The following DENND1A variants were observed in gnomAD, a reference collection of about 807,000 sequenced individuals.
DENND1A encodes DENN domain-containing protein 1A.
A neutral mutation model predicts 113.7 loss-of-function variants in DENND1A; 51 were observed. The ratio of observed to expected loss-of-function variants is 0.45; its 90% CI spans 0.36 to 0.57. DENND1A has a LOEUF of 0.57. Ranked by LOEUF, DENND1A falls within the 20% of genes least tolerant of loss-of-function variation. The probability of loss-of-function intolerance (pLI) is 0.00; values close to 1 mark genes in which losing one functional copy is unlikely to be tolerated. For missense variants in DENND1A, 1,258 were observed against 1,395.9 expected, an observed-to-expected ratio of 0.90 and a Z score of 1.57; for synonymous variants, 565 against 570.8, an observed-to-expected ratio of 0.99 and a Z score of 0.14.
intron 2 of DENND1A, among the ~76,000 whole-genome samples, chr9:123,876,995 T>C (rs962906189): frequency 1.3e-5 from 2 of 152,138 alleles, no homozygotes; most frequent in African/African-American, 4.8e-5. Flanking sequence ...AACTAAATGA[T>C]GTGTACACGT....
At chr9:123,693,528 T>TC (rs2065305932) in intron 5 of DENND1A, among the ~76,000 whole-genome samples, 1 of 152,114 alleles carries the variant, frequency 6.6e-6, no homozygotes, top group Non-Finnish European at 1.5e-5. Context: ...GCTTTTTTTT[T>TC]CAGAACATCA....
At chr9:123,564,116 G>A (rs2057917022) in intron 12 of DENND1A, among the ~76,000 whole-genome samples, 1 of 152,180 alleles carries the variant, frequency 6.6e-6, no homozygotes, top group African/African-American at 2.4e-5. Context: ...TACTTCAGAA[G>A]GGGTTCTCAT....
At chr9:123,407,397 C>T (rs972509917) in intron 20 of DENND1A, among the ~76,000 whole-genome samples, 1 of 152,126 alleles carries the variant, frequency 6.6e-6, no homozygotes, top group African/African-American at 2.4e-5. Context: ...CAAATACACA[C>T]TCACAGAGGC....
chr9:123,383,835 C>G lies in DENND1A; in HGVS notation c.1839G>C (p.Arg613=). Residue 613 remains arginine (R), a synonymous_variant, in exon 23 of 24, where the codon CGG becomes CGC. Coordinates refer to ENST00000394215, the MANE Select transcript of DENND1A (RefSeq NM_001352964.2). ...DEAESPEQQV[R]KSTGPVPAPP... ...GAGCTGGGACAGGGCCTGTGGACTT[C>G]CGCACTTGCTGCTCTGGACTCTCTG... 1 of 1,613,900 alleles carries G rather than the reference C, an allele frequency of 6.2e-7. No individual in the cohort carries two copies. Among genetic ancestry groups the G allele is most frequent in the African/African-American group, 1.3e-5 (1 of 75,066 alleles).
At chr9:123,924,636 G>A (rs1163383934) in intron 1 of DENND1A, among the ~76,000 whole-genome samples, 1 of 149,438 alleles carries the variant, frequency 6.7e-6, no homozygotes, top group African/African-American at 2.5e-5. Context: ...GGGGGACAGA[G>A]TGAAACTGTC....
chr9:123,843,161 A>G, intron 2 of DENND1A: 1 of 552,992 alleles, frequency 1.8e-6, no homozygotes, highest in South Asian at 1.4e-5. Flanking sequence ...CACACTTGAC[A>G]TGGTTGTGCA....
chr9:123,552,018 C>CGAGAGAGAGAGAGAGAGACAGAGAGA lies in DENND1A; in HGVS notation c.993+5551_993+5552insTCTCTCTGTCTCTCTCTCTCTCTCTC, dbSNP rs2057089911. Among the ~76,000 whole-genome samples, 88 of 118,598 alleles carry CGAGAGAGAGAGAGAGAGACAGAGAGA rather than the reference C, an allele frequency of 7.4e-4. 2 individuals carry two copies. The highest frequency in any genetic ancestry group is 4.4e-3 in the Middle Eastern group (1 of 228). 77.8% of individuals were successfully genotyped at this position (118,598 alleles called of 152,430 possible). On this transcript the variant is annotated intron_variant, in intron 13 of 23. Coordinates refer to ENST00000394215, the MANE Select transcript of DENND1A (RefSeq NM_001352964.2). ...GAGAGAGAGCGAGAGAGAGCGAGAG[C>CGAGAGAGAGAGAGAGAGACAGAGAGA]GAGAGAGAGAGAGAGAGAGACAGAG... is the stretch of plus-strand genomic sequence containing the variant.
intron 19 of DENND1A, among the ~76,000 whole-genome samples, chr9:123,431,602 C>A (rs944987565): frequency 1.3e-5 from 2 of 152,196 alleles, no homozygotes; most frequent in Admixed American, 6.5e-5. Context: ...TTGACTAAGG[C>A]CCATTCTCTG....
At chr9:123,419,491 CTG>C (rs1208909452) in intron 19 of DENND1A, among the ~76,000 whole-genome samples, 2 of 152,266 alleles carry the variant, frequency 1.3e-5, no homozygotes, top group African/African-American at 4.8e-5. Context: ...CAATTAAACT[CTG>C]TCGCTGTTTA....
chr9:123,834,179 A>G (rs1840717743), intron 2 of DENND1A, among the ~76,000 whole-genome samples: 1 of 152,258 alleles, frequency 6.6e-6, no homozygotes, highest in African/African-American at 2.4e-5. Context: ...TGCCAAAAGA[A>G]AATAGATAAA....
chr9:123,512,565 T>C (rs2053547684), intron 13 of DENND1A, among the ~76,000 whole-genome samples: 1 of 152,354 alleles, frequency 6.6e-6, no homozygotes, highest in Middle Eastern at 3.4e-3. Flanking sequence ...TCCTTCCTGC[T>C]GCACGGTCCC....
intron 12 of DENND1A, among the ~76,000 whole-genome samples, chr9:123,558,438 G>A (rs909491161): frequency 6.6e-6 from 1 of 152,114 alleles, no homozygotes; most frequent in Admixed American, 6.5e-5. Flanking sequence ...CAAAAAACTC[G>A]GAAGTGATGG....
chr9:123,468,981 G>T (rs1564545398), intron 13 of DENND1A, among the ~76,000 whole-genome samples: 1 of 152,174 alleles, frequency 6.6e-6, no homozygotes, highest in Non-Finnish European at 1.5e-5. Flanking sequence ...AGGTCCCAGG[G>T]CTCATGGTCT....
chr9:123,397,347 G>C (rs935548853), intron 21 of DENND1A, among the ~76,000 whole-genome samples: 1 of 152,194 alleles, frequency 6.6e-6, no homozygotes, highest in African/African-American at 2.4e-5. Flanking sequence ...TAGAGACGGA[G>C]TTTTGCCATG....
chr9:123,902,384 A>G (rs7021780), intron 1 of DENND1A, among the ~76,000 whole-genome samples: 12,706 of 152,252 alleles, frequency 0.083, 1,117 homozygotes, highest in African/African-American at 0.22. Context: ...CTGTAAGGCA[A>G]TAAAGTTCTA....
chr9:123,743,909 C>T (rs2069237488), intron 5 of DENND1A, among the ~76,000 whole-genome samples: 1 of 151,894 alleles, frequency 6.6e-6, no homozygotes, highest in African/African-American at 2.4e-5. Context: ...AAAATTTGAA[C>T]ACAGTTCTGA....
chr9:123,493,587 G>A (rs988354967), intron 13 of DENND1A, among the ~76,000 whole-genome samples: 7 of 152,174 alleles, frequency 4.6e-5, no homozygotes, highest in Non-Finnish European at 7.3e-5. Context: ...CAGAGTGTCC[G>A]TTACAGGGAG....
At chr9:123,883,508 G>A (rs1848598135) in intron 1 of DENND1A, among the ~76,000 whole-genome samples, 1 of 152,144 alleles carries the variant, frequency 6.6e-6, no homozygotes. Flanking sequence ...GTCTCAGGTA[G>A]GACCCAAGAA....
chr9:123,430,864 C>T (rs182143791), intron 19 of DENND1A, among the ~76,000 whole-genome samples: 3 of 152,080 alleles, frequency 2.0e-5, no homozygotes, highest in South Asian at 2.1e-4. Flanking sequence ...TAGCCAGGTG[C>T]GGTGGTGTGC....
Sources: gnomAD v4.1 joint callset for allele counts (sites outside exome capture counted in the v4.1 genomes callset) on GRCh38, gnomAD v4.1.1 for gene constraint, MANE v1.5 for transcripts, NCBI Gene and HGNC (gene_info 2026-07-23, HGNC 2026-07-21) for gene names.